Variants in CPVL observed in about 807,000 individuals in gnomAD.
The protein encoded by CPVL is carboxypeptidase vitellogenic like.
In CPVL, 51 loss-of-function variants were observed where a neutral mutation model predicts 63.7. The observed-to-expected ratio is 0.80, with a 90% CI of 0.64 to 1.01. The LOEUF (loss-of-function observed/expected upper bound fraction) is 1.01. Among genes scored for constraint, CPVL ranks in the 50% least tolerant of loss-of-function variants. The probability of loss-of-function intolerance (pLI) is 0.00; values close to 1 mark genes in which losing one functional copy is unlikely to be tolerated. For missense variants in CPVL, 530 were observed against 573.1 expected (o/e 0.92, Z 0.77); for synonymous variants, 195 against 206.0 (o/e 0.95, Z 0.46).
intron 3 of CPVL, among the ~76,000 whole-genome samples, chr7:29,104,191 CA>C (rs1787494173): frequency 6.6e-6 from 1 of 152,216 alleles, no homozygotes; most frequent in African/African-American, 2.4e-5. Context: ...GTTGACTACT[CA>C]CCAAATCTTC....
chr7:29,087,496 G>T (rs1445696754), intron 6 of CPVL, among the ~76,000 whole-genome samples: 1 of 151,542 alleles, frequency 6.6e-6, no homozygotes, highest in African/African-American at 2.4e-5. Flanking sequence ...GACTCAAGGA[G>T]TGATTTCATA....
intron 11 of CPVL, among the ~76,000 whole-genome samples, chr7:29,057,222 C>T (rs1159275401): frequency 2.0e-5 from 3 of 152,088 alleles, no homozygotes; most frequent in African/African-American, 7.2e-5. Context: ...TCCTGGAGTG[C>T]TGGGATTATA....
intron 10 of CPVL, 72 bp from the exon 11 acceptor site, chr7:29,064,306 T>C: frequency 1.1e-6 from 1 of 925,134 alleles, no homozygotes; most frequent in Non-Finnish European, 1.6e-6. Flanking sequence ...GGAAAAGCTG[T>C]GAATTTCTCA....
intron 5 of CPVL, among the ~76,000 whole-genome samples, chr7:29,160,038 A>G (rs1794966437): frequency 6.6e-6 from 1 of 152,176 alleles, no homozygotes; most frequent in South Asian, 2.1e-4. Flanking sequence ...TGGAGAGCCA[A>G]TCTTCATTAT....
intron 6 of CPVL, among the ~76,000 whole-genome samples, chr7:29,091,309 G>A (rs898014345): frequency 6.6e-6 from 1 of 152,090 alleles, no homozygotes; most frequent in Admixed American, 6.6e-5. Flanking sequence ...TGTCTTAGAG[G>A]GGGCCCGATG....
Position 29,146,488 on chromosome 7 carries a change from T to C in CPVL, c.-70A>G. 1 of 1,452,626 alleles carries C rather than the reference T, an allele frequency of 6.9e-7. No homozygotes were observed. Among genetic ancestry groups the C allele is most frequent in the South Asian group, 1.5e-5 (1 of 67,134 alleles). The allele number at this position is 1,452,626 out of a possible 1,614,324, so 90.0% of individuals were successfully genotyped here. ...GCGCAAGGACCCCAGCCGGTTGTCCTTGCAGCGCTTCCCAAATCAGGCAGA... is the reference window on the plus strand; with the variant it reads ...GCGCAAGGACCCCAGCCGGTTGTCCCTGCAGCGCTTCCCAAATCAGGCAGA... On this transcript the variant is annotated 5_prime_UTR_variant, in exon 1 of 13. Transcript: ENST00000265394.
chr7:29,094,736 G>A (rs570368793), intron 5 of CPVL, among the ~76,000 whole-genome samples: 16 of 152,040 alleles, frequency 1.1e-4, no homozygotes, highest in East Asian at 5.9e-4. Flanking sequence ...GGTGGCACAC[G>A]CCTGTAATCC....
intron 3 of CPVL, among the ~76,000 whole-genome samples, chr7:29,101,503 A>G (rs1478858405): frequency 6.6e-6 from 1 of 152,164 alleles, no homozygotes; most frequent in Non-Finnish European, 1.5e-5. Flanking sequence ...GCTGAGGCAG[A>G]AGAATGGCGT....
intron 1 of CPVL, among the ~76,000 whole-genome samples, chr7:29,133,637 C>T (rs1194841866): frequency 2.6e-5 from 4 of 152,324 alleles, no homozygotes; most frequent in South Asian, 2.1e-4. Flanking sequence ...CCTGCTGAAA[C>T]GTGGTGAATC....
chr7:29,140,598 A>G (rs1791767348), intron 1 of CPVL, among the ~76,000 whole-genome samples: 1 of 152,160 alleles, frequency 6.6e-6, no homozygotes, highest in African/African-American at 2.4e-5. Flanking sequence ...CCCATTCACA[A>G]TGCAAATCCT....
chr7:29,119,583 T>C (rs1054471656), intron 2 of CPVL, among the ~76,000 whole-genome samples: 2 of 150,420 alleles, frequency 1.3e-5, no homozygotes, highest in East Asian at 2.0e-4. Context: ...GTAATAACAA[T>C]AGAAAAACCC....
At chr7:29,003,617 T>C (rs1393418640) in intron 12 of CPVL, among the ~76,000 whole-genome samples, 1 of 152,160 alleles carries the variant, frequency 6.6e-6, no homozygotes, top group African/African-American at 2.4e-5. Flanking sequence ...TTGAACTATG[T>C]AGAAGTTTTT....
rs1785217039 is a variant in CPVL at position 29,086,499 on chromosome 7, A to G, written c.594T>C (p.Phe198=). 1.2e-6 allele frequency: 2 copies of G among 1,611,876 alleles called. No homozygotes were observed. Among genetic ancestry groups the G allele is most frequent in the Non-Finnish European group, 8.5e-7 (1 of 1,178,034 alleles). Residue 198 remains phenylalanine (F), a synonymous_variant, in exon 7 of 13, where the codon TTT becomes TTC. Coordinates refer to ENST00000265394, the MANE Select transcript of CPVL (RefSeq NM_031311.5). ...TTCTACTTACCTCCCCAGTGACATA[A>G]AAGTCATTATTTTTATATTCAGGAA... ...QIFPEYKNND[F]YVTGESYAGK...
intron 3 of CPVL, among the ~76,000 whole-genome samples, chr7:29,098,630 G>A (rs192094752): frequency 4.6e-5 from 7 of 152,302 alleles, no homozygotes; most frequent in African/African-American, 1.4e-4. Context: ...AGGGGTCAGC[G>A]CGGTATTATA....
At position 29,184,996 on chromosome 7, in the gene CPVL, T is replaced by G. The variant is rs866469631; in HGVS notation, c.-261-448A>C. Among the ~76,000 whole-genome samples the G allele has an allele frequency of 6.3e-4, 96 of 152,304 alleles. 1 individual carries two copies. Among genetic ancestry groups the G allele is most frequent in the African/African-American group, 2.2e-3 (90 of 41,580 alleles). ...ACCATTGAGAGTAGATGTCTCTAAGTGCATTTGTCTGTGATACCCCCTCTT... is the reference window on the plus strand; with the variant it reads ...ACCATTGAGAGTAGATGTCTCTAAGGGCATTTGTCTGTGATACCCCCTCTT... On this transcript the variant is annotated intron_variant, in intron 3 of 16. Transcript: ENST00000409850.
At chr7:29,028,476 C>T (rs1787703156) in intron 12 of CPVL, among the ~76,000 whole-genome samples, 1 of 152,050 alleles carries the variant, frequency 6.6e-6, no homozygotes, top group South Asian at 2.1e-4. Context: ...GTGATAAAAC[C>T]ATAAACAGAC....
intron 5 of CPVL, among the ~76,000 whole-genome samples, chr7:29,162,927 G>A (rs1352135031): frequency 1.3e-5 from 2 of 152,114 alleles, no homozygotes; most frequent in Non-Finnish European, 2.9e-5. Context: ...GTGATAAAAC[G>A]TTATAGAAAT....
intron 1 of CPVL, among the ~76,000 whole-genome samples, chr7:29,129,486 T>TTC (rs1372132559): frequency 1.3e-5 from 2 of 151,670 alleles, no homozygotes; most frequent in Non-Finnish European, 2.9e-5. Context: ...CTTTTTTTTT[T>TTC]TTTGAGACGA....
At chr7:29,183,807 T>C (rs1420552700) in intron 4 of CPVL, among the ~76,000 whole-genome samples, 1 of 152,184 alleles carries the variant, frequency 6.6e-6, no homozygotes, top group Non-Finnish European at 1.5e-5. Context: ...GAGATACATA[T>C]GCAGTCAGCT....
Sources: gnomAD v4.1 joint callset for allele counts (sites outside exome capture counted in the v4.1 genomes callset) on GRCh38, gnomAD v4.1.1 for gene constraint, MANE v1.5 for transcripts, NCBI Gene and HGNC (gene_info 2026-07-23, HGNC 2026-07-21) for gene names.